Variants in SH3GL2 observed in about 807,000 individuals in gnomAD.
SH3GL2 encodes endophilin-A1.
In SH3GL2, 24 loss-of-function variants were observed where a neutral mutation model predicts 46.0. The ratio of observed to expected loss-of-function variants is 0.52; its 90% CI spans 0.38 to 0.73. The LOEUF is 0.73. SH3GL2 is among the 30% of genes least tolerant of loss of function. The pLI is 0.00. For synonymous variants in SH3GL2, 196 were observed against 147.1 expected (o/e 1.33, Z -2.40); for missense variants, 413 against 424.2 (o/e 0.97, Z 0.23).
chr9:17,794,948 C>T (rs1176705761), intron 8 of SH3GL2, among the ~76,000 whole-genome samples: 1 of 152,182 alleles, frequency 6.6e-6, no homozygotes, highest in African/African-American at 2.4e-5. Context: ...GAGCGAAGTA[C>T]CATGTGCAAG....
chr9:17,770,426 A>T (rs1823439862), intron 3 of SH3GL2, among the ~76,000 whole-genome samples: 1 of 152,186 alleles, frequency 6.6e-6, no homozygotes, highest in South Asian at 2.1e-4. Flanking sequence ...AACTACAAAG[A>T]TACCTCCAGG....
intron 7 of SH3GL2, among the ~76,000 whole-genome samples, chr9:17,791,685 C>A (rs34581578): frequency 4.6e-5 from 7 of 152,270 alleles, no homozygotes; most frequent in African/African-American, 1.7e-4. Flanking sequence ...GCCCTGTAAC[C>A]TAAGTGTTTT....
At chr9:17,747,013 A>C (rs1277656765) in intron 1 of SH3GL2, 53 bp from the exon 2 acceptor site, 1 of 1,258,778 alleles carries the variant, frequency 7.9e-7, no homozygotes, top group Admixed American at 1.9e-5. Flanking sequence ...TTTCTAACAC[A>C]TTTTTTAAAG....
At chr9:17,795,366 A>G (rs76466264) in intron 8 of SH3GL2, among the ~76,000 whole-genome samples, 178 bp from the exon 9 acceptor site, 1 of 152,356 alleles carries the variant, frequency 6.6e-6, no homozygotes, top group Non-Finnish European at 1.5e-5. Context: ...AGAGGGCAAG[A>G]TGCCCAGTGC....
chr9:17,651,747 T>A lies in SH3GL2; in HGVS notation c.45+72460T>A, dbSNP rs111246744. On this transcript the variant is annotated intron_variant, in intron 1 of 8. Transcript: ENST00000380607. ...TTTTCCTTTTAGCACTTTAAAGATG[T>A]TGTTTTCATATTTCCAATATTTCCT... is the stretch of plus-strand genomic sequence containing the variant. Among the ~76,000 whole-genome samples the A allele has an allele frequency of 2.4e-3, 372 of 152,326 alleles. 2 individuals carry two copies. Among genetic ancestry groups the A allele is most frequent in the African/African-American group, 8.5e-3 (355 of 41,582 alleles).
intron 1 of SH3GL2, among the ~76,000 whole-genome samples, chr9:17,739,988 T>C (rs569670842): frequency 6.6e-6 from 1 of 152,176 alleles, no homozygotes; most frequent in Non-Finnish European, 1.5e-5. Flanking sequence ...GGCCAAGTAC[T>C]TAACTCACTC....
intron 1 of SH3GL2, among the ~76,000 whole-genome samples, chr9:17,588,460 G>C (rs1171633331): frequency 1.3e-5 from 2 of 152,158 alleles, no homozygotes; most frequent in African/African-American, 4.8e-5. Flanking sequence ...TCTCTGGCTG[G>C]TAGTGGAAGG....
chr9:17,737,354 T>C (rs977768258), intron 1 of SH3GL2, among the ~76,000 whole-genome samples: 2 of 151,966 alleles, frequency 1.3e-5, no homozygotes, highest in African/African-American at 4.8e-5. Flanking sequence ...AATATAATTT[T>C]AAAAAATAAG....
At chr9:17,596,262 G>A (rs1424869436) in intron 1 of SH3GL2, among the ~76,000 whole-genome samples, 1 of 152,082 alleles carries the variant, frequency 6.6e-6, no homozygotes, top group African/African-American at 2.4e-5. Flanking sequence ...CTACTTTTCT[G>A]GTTTCACCAA....
intron 1 of SH3GL2, among the ~76,000 whole-genome samples, chr9:17,734,400 A>G (rs916748692): frequency 1.3e-5 from 2 of 152,144 alleles, no homozygotes; most frequent in African/African-American, 2.4e-5. Context: ...GTACTTTACA[A>G]TTGACAAAGC....
intron 1 of SH3GL2, among the ~76,000 whole-genome samples, chr9:17,703,484 G>A (rs1563819477): frequency 1.3e-5 from 2 of 151,882 alleles, no homozygotes; most frequent in South Asian, 4.1e-4. Flanking sequence ...AAACCTGGCA[G>A]AGTCACAATG....
At chr9:17,681,442 A>G (rs1163762311) in intron 1 of SH3GL2, among the ~76,000 whole-genome samples, 1 of 152,180 alleles carries the variant, frequency 6.6e-6, no homozygotes, top group African/African-American at 2.4e-5. Flanking sequence ...TTCCTGTAGC[A>G]TGGTCATATG....
At chr9:17,652,351 A>G (rs989677082) in intron 1 of SH3GL2, among the ~76,000 whole-genome samples, 1 of 151,614 alleles carries the variant, frequency 6.6e-6, no homozygotes, top group South Asian at 2.1e-4. Flanking sequence ...TTTTTATTTT[A>G]TATTTCAGAT....
intron 1 of SH3GL2, chr9:17,735,724 A>AT: frequency 4.1e-6 from 4 of 968,004 alleles, no homozygotes; most frequent in Non-Finnish European, 4.9e-6. Flanking sequence ...CACAGAGTTG[A>AT]TTGAGGCAGT....
At chr9:17,607,272 C>G (rs1818778429) in intron 1 of SH3GL2, among the ~76,000 whole-genome samples, 1 of 152,204 alleles carries the variant, frequency 6.6e-6, no homozygotes, top group Non-Finnish European at 1.5e-5. Flanking sequence ...ACCTGTACAG[C>G]ATATTACCAT....
intron 1 of SH3GL2, among the ~76,000 whole-genome samples, chr9:17,663,385 A>C (rs1424066511): frequency 6.6e-6 from 1 of 152,050 alleles, no homozygotes; most frequent in Non-Finnish European, 1.5e-5. Context: ...CCTCCTATTA[A>C]AATTTTTTAA....
At chr9:17,724,372 G>C (rs1821970499) in intron 1 of SH3GL2, among the ~76,000 whole-genome samples, 1 of 152,062 alleles carries the variant, frequency 6.6e-6, no homozygotes, top group Non-Finnish European at 1.5e-5. Context: ...TATTTGATAA[G>C]ACATTGTCAT....
chr9:17,664,241 G>T (rs1238229981), intron 1 of SH3GL2, among the ~76,000 whole-genome samples: 3 of 152,090 alleles, frequency 2.0e-5, no homozygotes, highest in African/African-American at 7.2e-5. Context: ...GGGTAAAAAT[G>T]AATTCCCGTG....
At chr9:17,722,718 C>T (rs532513733) in intron 1 of SH3GL2, among the ~76,000 whole-genome samples, 4 of 152,076 alleles carry the variant, frequency 2.6e-5, no homozygotes, top group African/African-American at 4.8e-5. Context: ...GGATCACTTC[C>T]CTTCAGCATC....
Sources: gnomAD v4.1 joint callset for allele counts (sites outside exome capture counted in the v4.1 genomes callset) on GRCh38, gnomAD v4.1.1 for gene constraint, MANE v1.5 for transcripts, NCBI Gene and HGNC (gene_info 2026-07-23, HGNC 2026-07-21) for gene names.